Variants in GCH1 observed in about 807,000 individuals in gnomAD.
The protein encoded by GCH1 is GTP cyclohydrolase I.
Under a neutral mutation model 25.9 loss-of-function variants are expected in GCH1, and 5 were observed. The observed-to-expected ratio is 0.19, with a 90% CI of 0.10 to 0.41. The LOEUF (loss-of-function observed/expected upper bound fraction) is 0.41, where lower values mean the gene tolerates loss of function less well. Ranked by LOEUF, GCH1 falls within the 10% of genes least tolerant of loss-of-function variation. The pLI is 1.00. For synonymous variants in GCH1, 159 were observed against 129.6 expected (o/e 1.23, Z -1.54); for missense variants, 261 against 336.5 (o/e 0.78, Z 1.75).
At chr14:54,875,658 G>C (rs2040147877) in intron 1 of GCH1, among the ~76,000 whole-genome samples, 2 of 152,154 alleles carry the variant, frequency 1.3e-5, no homozygotes, top group Non-Finnish European at 2.9e-5. Flanking sequence ...CAAAAAGTGG[G>C]TGAAGGATAT....
Position 54,842,469 on chromosome 14 carries a change from G to C in GCH1, c.*1548C>G, listed in dbSNP as rs1456021874. ...TTAAGCAGGCTAATGTTTATACTGG[G>C]CTAGATTTAAAAAGGTACTCAAGCC... On this transcript the variant is annotated 3_prime_UTR_variant, in exon 6 of 6. Coordinates refer to ENST00000491895, the MANE Select transcript of GCH1 (RefSeq NM_000161.3). 1 of 152,512 alleles carries C rather than the reference G, an allele frequency of 6.6e-6. No homozygotes were observed. Among genetic ancestry groups the C allele is most frequent in the Non-Finnish European group, 1.5e-5 (1 of 68,058 alleles). The allele number at this position is 152,512 out of a possible 1,614,324, so 9.4% of individuals were successfully genotyped here.
At position 54,843,156 on chromosome 14, in the gene GCH1, T is replaced by G. The variant is rs2039586059; in HGVS notation, c.*861A>C. 1 of 1,514,758 alleles carries G rather than the reference T, an allele frequency of 6.6e-7. No individual in the cohort carries two copies. The highest frequency in any genetic ancestry group is 1.3e-5 in the South Asian group (1 of 78,540). 93.8% of individuals were successfully genotyped at this position (1,514,758 alleles called of 1,614,324 possible). A position where few individuals can be genotyped will look rare whatever the true frequency, so the allele number is the denominator to read the frequency against. On this transcript the variant is annotated 3_prime_UTR_variant, in exon 6 of 6. Transcript: ENST00000491895. ...GAAGAAACATTTTGAGGCATCTACA[T>G]GGATCACACAAAGGAAACTCAATAA...
intron 1 of GCH1, among the ~76,000 whole-genome samples, chr14:54,881,198 T>A (rs3825610): frequency 0.24 from 35,768 of 151,604 alleles, 4,553 homozygotes; most frequent in African/African-American, 0.32. Context: ...AATAAAAAAA[T>A]TTTAAAAAGA....
chr14:54,893,217 C>A (rs2040445576), intron 1 of GCH1, among the ~76,000 whole-genome samples: 3 of 152,206 alleles, frequency 2.0e-5, no homozygotes, highest in South Asian at 4.1e-4. Context: ...ATATCCCAAT[C>A]TAATTACTAT....
chr14:54,856,628 T>C (rs2039815696), intron 3 of GCH1, among the ~76,000 whole-genome samples: 1 of 152,066 alleles, frequency 6.6e-6, no homozygotes, highest in Admixed American at 6.6e-5. Context: ...AATTTTGGTA[T>C]TTTTAGTAGA....
intron 3 of GCH1, among the ~76,000 whole-genome samples, chr14:54,853,948 T>C (rs562009756): frequency 6.6e-6 from 1 of 152,342 alleles, no homozygotes; most frequent in Non-Finnish European, 1.5e-5. Context: ...CCTTTTCTAA[T>C]GGTTATTAAT....
At chr14:54,847,501 C>G (rs1417805307) in intron 3 of GCH1, among the ~76,000 whole-genome samples, 2 of 152,068 alleles carry the variant, frequency 1.3e-5, no homozygotes, top group South Asian at 2.1e-4. Context: ...GCCTTGACTC[C>G]CAGCCTACAT....
chr14:54,894,255 G>A (rs947685370), intron 1 of GCH1, among the ~76,000 whole-genome samples: 1 of 152,146 alleles, frequency 6.6e-6, no homozygotes, highest in Admixed American at 6.6e-5. Context: ...AGTGGACCCT[G>A]CCTCATATGA....
intron 1 of GCH1, among the ~76,000 whole-genome samples, chr14:54,897,010 G>GTTTT (rs1303006172): frequency 1.7e-5 from 2 of 114,886 alleles, no homozygotes; most frequent in Non-Finnish European, 1.7e-5. Flanking sequence ...TCCACTTTTT[G>GTTTT]TTTTTTTTTT....
intron 2 of GCH1, among the ~76,000 whole-genome samples, chr14:54,864,686 T>G (rs2039966015): frequency 6.6e-6 from 1 of 152,178 alleles, no homozygotes; most frequent in Admixed American, 6.5e-5. Context: ...TTCAGCAGAG[T>G]GCCCCACCTT....
rs2040579302 is a variant in GCH1 at position 54,902,325 on chromosome 14, G to A, written c.339C>T (p.Ile113=). 1 of 1,612,430 alleles carries A rather than the reference G, an allele frequency of 6.2e-7. No homozygotes were observed. Among genetic ancestry groups the A allele is most frequent in the South Asian group, 1.1e-5 (1 of 91,042 alleles). The part of the protein sequence containing the change: ...QFFTKGYQET[I]SDVLNDAIFD... Reference sequence around the variant, plus strand: ...GCAGCCCGCGGGCGCACTGACCTGAGATGGTCTCCTGGTAGCCCTTGGTGA... The same window carrying A: ...GCAGCCCGCGGGCGCACTGACCTGAAATGGTCTCCTGGTAGCCCTTGGTGA... The change falls in exon 1 of 6, where the codon ATC becomes ATT. Residue 113 remains isoleucine (I), a synonymous_variant. Transcript: ENST00000491895.
chr14:54,877,588 G>C (rs2040181280), intron 1 of GCH1, among the ~76,000 whole-genome samples: 1 of 151,996 alleles, frequency 6.6e-6, no homozygotes, highest in South Asian at 2.1e-4. Flanking sequence ...CCACCTCCTA[G>C]GCTCAGGTGA....
rs116013263 is a variant in GCH1, at chr14:54,892,223, A to G, written c.343+10098T>C. ...TTTGTGGGTAGAAGACACAAACAGA[A>G]ATTTATTCTGAATGATGGCAATCCA... On this transcript the variant is annotated intron_variant, in intron 1 of 5. Transcript: ENST00000491895. Among the ~76,000 whole-genome samples, 1,439 of 152,268 alleles carry G rather than the reference A, an allele frequency of 9.5e-3. 28 individuals carry two copies. The highest frequency in any genetic ancestry group is 0.033 in the African/African-American group (1,353 of 41,538).
chr14:54,900,444 T>C (rs1466960579), intron 1 of GCH1, among the ~76,000 whole-genome samples: 1 of 151,882 alleles, frequency 6.6e-6, no homozygotes, highest in Non-Finnish European at 1.5e-5. Context: ...ACTCCTGACC[T>C]CAGGTGATCC....
At chr14:54,856,488 C>A (rs2039813352) in intron 3 of GCH1, among the ~76,000 whole-genome samples, 1 of 152,178 alleles carries the variant, frequency 6.6e-6, no homozygotes, top group Admixed American at 6.5e-5. Flanking sequence ...GAGTCTTGCT[C>A]TGTCACGAGA....
intron 3 of GCH1, among the ~76,000 whole-genome samples, chr14:54,857,038 C>T (rs1002947848): frequency 1.3e-5 from 2 of 152,214 alleles, no homozygotes; most frequent in African/African-American, 4.8e-5. Context: ...TATTCCTCTT[C>T]ATTCTCTAAA....
chr14:54,848,977 G>A (rs935670211), intron 3 of GCH1, among the ~76,000 whole-genome samples: 2 of 152,192 alleles, frequency 1.3e-5, no homozygotes, highest in African/African-American at 4.8e-5. Context: ...AGTTAGTAAT[G>A]TTTTCCTTCT....
intron 1 of GCH1, among the ~76,000 whole-genome samples, chr14:54,868,025 G>A (rs961875358): frequency 1.3e-5 from 2 of 152,086 alleles, no homozygotes; most frequent in Admixed American, 6.6e-5. Flanking sequence ...CATGAGAAGG[G>A]CACATCACCT....
intron 1 of GCH1, among the ~76,000 whole-genome samples, chr14:54,891,900 A>G (rs1199492115): frequency 6.6e-6 from 1 of 152,184 alleles, no homozygotes; most frequent in Non-Finnish European, 1.5e-5. Flanking sequence ...GTTTTCAAGT[A>G]ACCCTTATTT....
Sources: gnomAD v4.1 joint callset for allele counts (sites outside exome capture counted in the v4.1 genomes callset) on GRCh38, gnomAD v4.1.1 for gene constraint, MANE v1.5 for transcripts, NCBI Gene and HGNC (gene_info 2026-07-23, HGNC 2026-07-21) for gene names.